Variants in MIAT observed in about 807,000 individuals in gnomAD.
MIAT encodes myocardial infarction associated transcript.
chr22:26,657,739 G>A (rs976858484), intron 2 of MIAT: 1 of 398,370 alleles, frequency 2.5e-6, no homozygotes, highest in African/African-American at 2.1e-5. Flanking sequence ...CCAAGGCTGG[G>A]GTCGAGGGTA....
At chr22:26,649,664 C>T (rs1275267669) in intron 2 of MIAT, among the ~76,000 whole-genome samples, 1 of 152,212 alleles carries the variant, frequency 6.6e-6, no homozygotes, top group Non-Finnish European at 1.5e-5. Context: ...CCTGTAATCC[C>T]AGCACTTTGG....
chr22:26,665,247 A>AAAAGAAAGAAAGAAAGAAAGAAAGAAAG lies in MIAT; in HGVS notation n.730-268_730-241dup, dbSNP rs10529015. ...CAGAGTGAGATCCTGTCTCCAGAAAAAAAGAAAGAAAGAAAGAAAGAAAGA... is the reference window on the plus strand; with the variant it reads ...CAGAGTGAGATCCTGTCTCCAGAAAAAAAGAAAGAAAGAAAGAAAGAAAGAAAGAAAGAAAGAAAGAAAGAAAGAAAGA... On this transcript the variant is annotated intron_variant and non_coding_transcript_variant, in intron 3 of 5. Transcript: ENST00000643270. Among the ~76,000 whole-genome samples the AAAAGAAAGAAAGAAAGAAAGAAAGAAAG allele has an allele frequency of 8.3e-3, 1,195 of 144,236 alleles. 18 individuals are homozygous for AAAAGAAAGAAAGAAAGAAAGAAAGAAAG. The highest frequency in any genetic ancestry group is 0.024 in the East Asian group (117 of 4,848). 94.6% of individuals were successfully genotyped at this position (144,236 alleles called of 152,430 possible).
intron 2 of MIAT, among the ~76,000 whole-genome samples, chr22:26,650,757 G>T (rs997017059): frequency 1.2e-4 from 18 of 152,182 alleles, no homozygotes; most frequent in African/African-American, 3.4e-4. Flanking sequence ...GCTGGCTGAG[G>T]GGTGGTACAT....
exon 4 of MIAT, chr22:26,666,739 C>T: frequency 2.5e-6 from 1 of 398,630 alleles, no homozygotes; most frequent in Non-Finnish European, 4.4e-6. Context: ...GTGCCTGGGC[C>T]CAGCCTCCCT....
At position 26,663,651 on chromosome 22, in the gene MIAT, G is replaced by T. The variant is rs1602363592; in HGVS notation, n.729+253G>T. ...CCCTGGTGCTCACAACTGGTTCTTT[G>T]TGCGGCCTTTGATCTGGCACTTTTT... On this transcript the variant is annotated intron_variant and non_coding_transcript_variant, in intron 3 of 5. Transcript: ENST00000643270. 1.4e-5 allele frequency: 5 copies of T among 370,198 alleles called. No individual in the cohort carries two copies. In the East Asian group the frequency reaches 2.0e-4, roughly 15 times the overall value. The allele number at this position is 370,198 out of a possible 1,614,324, so 22.9% of individuals were successfully genotyped here.
chr22:26,656,398 C>T (rs1394582468), intron 2 of MIAT, among the ~76,000 whole-genome samples: 1 of 151,054 alleles, frequency 6.6e-6, no homozygotes, highest in Non-Finnish European at 1.5e-5. Context: ...GACCTCGGCT[C>T]ACTGCAACCT....
intron 2 of MIAT, among the ~76,000 whole-genome samples, chr22:26,661,667 C>T (rs73163285): frequency 0.07 from 10,601 of 151,826 alleles, 446 homozygotes; most frequent in South Asian, 0.1. Context: ...GATGTCAACC[C>T]GTATCTTGTT....
At chr22:26,672,233 C>T, downstream of MIAT, 1 of 399,220 alleles carries the variant, frequency 2.5e-6, no homozygotes. Flanking sequence ...AACCCCAGCC[C>T]TGCCGAGCTC....
intron 2 of MIAT, among the ~76,000 whole-genome samples, chr22:26,648,110 G>A (rs1207149475): frequency 6.6e-6 from 1 of 152,098 alleles, no homozygotes; most frequent in African/African-American, 2.4e-5. Flanking sequence ...CTGTGCTGGC[G>A]GCTGCGGTCT....
intron 2 of MIAT, among the ~76,000 whole-genome samples, chr22:26,655,122 C>T (rs930836856): frequency 2.0e-5 from 3 of 152,218 alleles, no homozygotes; most frequent in Non-Finnish European, 4.4e-5. Flanking sequence ...TTCTCTAACT[C>T]TTTCACATGG....
intron 2 of MIAT, among the ~76,000 whole-genome samples, chr22:26,651,869 G>C (rs1930342204): frequency 6.6e-6 from 1 of 152,220 alleles, no homozygotes; most frequent in South Asian, 2.1e-4. Flanking sequence ...TTTTGGGGGT[G>C]ATGAAAATGT....
exon 1 of MIAT, chr22:26,646,908 C>G (rs1159746799): frequency 2.5e-6 from 1 of 398,490 alleles, no homozygotes; most frequent in Non-Finnish European, 4.4e-6. Context: ...GTGACAGGAA[C>G]AGATGTTCAG....
chr22:26,676,058 T>TG, exon 5 of MIAT: 1 of 398,702 alleles, frequency 2.5e-6, no homozygotes, highest in Non-Finnish European at 4.4e-6. Context: ...AAGCTTGCTA[T>TG]GAGCAGGATC....
rs575277910 is a variant in MIAT at position 26,650,914 on chromosome 22, C to T, written n.646+3603C>T. Among the ~76,000 whole-genome samples, 10 of 152,272 alleles carry T rather than the reference C, an allele frequency of 6.6e-5. No individual in the cohort carries two copies. The East Asian group carries it at 1.9e-3, about 29-fold the overall frequency. On this transcript the variant is annotated intron_variant and non_coding_transcript_variant, in intron 2 of 5. Transcript: ENST00000643270. Reference sequence around the variant, plus strand: ...TGGCTGACCTCGGATAAGTCACTTTCCCTCTCTAAGCCTCGCTTTCCTTAC... The same window carrying T: ...TGGCTGACCTCGGATAAGTCACTTTTCCTCTCTAAGCCTCGCTTTCCTTAC...
chr22:26,649,402 T>A (rs983068709), intron 2 of MIAT, among the ~76,000 whole-genome samples: 2 of 152,166 alleles, frequency 1.3e-5, no homozygotes, highest in African/African-American at 4.8e-5. Flanking sequence ...GGTGGATTCC[T>A]CCCCACTATT....
chr22:26,661,937 T>TGGATCTAGATAGATCC, intron 2 of MIAT, among the ~76,000 whole-genome samples: 1 of 38,120 alleles, frequency 2.6e-5, no homozygotes, highest in South Asian at 1.4e-3. Flanking sequence ...TATATATATA[T>TGGATCTAGATAGATCC]ATATATATAT....
chr22:26,667,282 A>G, exon 5 of MIAT: 1 of 398,352 alleles, frequency 2.5e-6, no homozygotes, highest in Non-Finnish European at 4.4e-6. Context: ...TCATGTCAGA[A>G]CACGCTTTAT....
chr22:26,665,121 A>C (rs1028008497), intron 3 of MIAT, among the ~76,000 whole-genome samples: 2 of 152,086 alleles, frequency 1.3e-5, no homozygotes, highest in Non-Finnish European at 2.9e-5. Context: ...CACATCTGTA[A>C]TCTCAGCTAC....
chr22:26,666,228 T>C (rs1930839958), exon 4 of MIAT: 1 of 398,630 alleles, frequency 2.5e-6, no homozygotes, highest in East Asian at 3.6e-5. Context: ...AAACAAAACC[T>C]GGCAGATGGT....
Sources: gnomAD v4.1 joint callset for allele counts (sites outside exome capture counted in the v4.1 genomes callset) on GRCh38, gnomAD v4.1.1 for gene constraint, MANE v1.5 for transcripts, NCBI Gene and HGNC (gene_info 2026-07-23, HGNC 2026-07-21) for gene names.